Variants in PSMB7 observed in about 807,000 individuals in gnomAD.
The protein encoded by PSMB7 is proteasome subunit beta type-7.
Under a neutral mutation model 28.1 loss-of-function variants are expected in PSMB7, and 5 were observed. That is an observed-to-expected ratio of 0.18 (90% CI 0.09 to 0.37). The LOEUF is 0.37. Ranked by LOEUF, PSMB7 falls within the 10% of genes least tolerant of loss-of-function variation. The pLI, the probability that PSMB7 is intolerant of heterozygous loss-of-function variation, is 1.00. For missense variants in PSMB7, 275 were observed against 346.2 expected (o/e 0.79, Z 1.63); for synonymous variants, 122 against 123.7 (o/e 0.99, Z 0.09).
At chr9:124,412,607 T>A in intron 3 of PSMB7, 115 bp from the exon 4 acceptor site, 2 of 1,071,064 alleles carry the variant, frequency 1.9e-6, no homozygotes, top group Non-Finnish European at 2.7e-6. Context: ...TGTTTTTGAG[T>A]ATATCTATGC....
At chr9:124,404,736 C>T (rs1374908182) in intron 5 of PSMB7, among the ~76,000 whole-genome samples, 3 of 152,094 alleles carry the variant, frequency 2.0e-5, no homozygotes, top group African/African-American at 7.2e-5. Flanking sequence ...GCCTATCACT[C>T]CAGCTACTTG....
intron 5 of PSMB7, among the ~76,000 whole-genome samples, chr9:124,390,365 T>G (rs1048483013): frequency 6.6e-6 from 1 of 151,772 alleles, no homozygotes. Flanking sequence ...AAGAAACACA[T>G]GGACAAGTAC....
intron 4 of PSMB7, among the ~76,000 whole-genome samples, chr9:124,409,523 C>T (rs565940206): frequency 6.6e-6 from 1 of 152,290 alleles, no homozygotes; most frequent in East Asian, 1.9e-4. Context: ...AAAGACATCA[C>T]TTCTGCTTAT....
In PSMB7 at chr9:124,405,140, T is replaced by C. The variant is rs557117951; in HGVS notation, c.511+177A>G. 3.3e-5 allele frequency among the ~76,000 whole-genome samples: 5 copies of C among 152,306 alleles called. No homozygotes were observed. The East Asian group carries it at 9.7e-4, about 29-fold the overall frequency. On this transcript the variant is annotated intron_variant, in intron 5 of 7. Transcript: ENST00000259457. The stretch of plus-strand genomic sequence containing the variant: ...TCACTATCAGAATTGTGTTGACTGC[T>C]ATATAGCAAGCACCTAGAACACGGC...
intron 4 of PSMB7, among the ~76,000 whole-genome samples, chr9:124,405,883 G>A (rs1487410874): frequency 1.3e-5 from 2 of 151,606 alleles, no homozygotes; most frequent in African/African-American, 2.4e-5. Flanking sequence ...ATGGCGTCTC[G>A]CCAAATTGCC....
intron 5 of PSMB7, among the ~76,000 whole-genome samples, chr9:124,391,972 G>C (rs1253073497): frequency 6.6e-6 from 1 of 152,228 alleles, no homozygotes; most frequent in African/African-American, 2.4e-5. Flanking sequence ...TCAAAAGCTA[G>C]GAAGGACCTG....
At chr9:124,364,863 G>A (rs1157166142) in intron 6 of PSMB7, among the ~76,000 whole-genome samples, 1 of 152,182 alleles carries the variant, frequency 6.6e-6, no homozygotes, top group Non-Finnish European at 1.5e-5. Context: ...TCTGAGACCA[G>A]CAGAAGAGCC....
chr9:124,401,736 T>C (rs919591162), intron 5 of PSMB7, among the ~76,000 whole-genome samples: 1 of 152,170 alleles, frequency 6.6e-6, no homozygotes, highest in Non-Finnish European at 1.5e-5. Flanking sequence ...AAAGAGCTGA[T>C]GAGGCCGGGT....
At chr9:124,412,280 C>A in intron 4 of PSMB7, 72 bp downstream of exon 4, 1 of 1,455,402 alleles carries the variant, frequency 6.9e-7, no homozygotes, top group Non-Finnish European at 9.5e-7. Flanking sequence ...ACTTTCCAGG[C>A]TTCTCTTGGC....
At chr9:124,388,761 G>T (rs181271917) in intron 5 of PSMB7, among the ~76,000 whole-genome samples, 7 of 152,046 alleles carry the variant, frequency 4.6e-5, no homozygotes, top group African/African-American at 1.7e-4. Context: ...CTAAATGCCC[G>T]TGCCAGTTCA....
intron 6 of PSMB7, among the ~76,000 whole-genome samples, chr9:124,365,713 C>G (rs537239083): frequency 6.6e-6 from 1 of 152,230 alleles, no homozygotes; most frequent in African/African-American, 2.4e-5. Context: ...CTCAGAAGCT[C>G]GAGACCAGCC....
At chr9:124,398,810 T>C (rs1830868168) in intron 5 of PSMB7, among the ~76,000 whole-genome samples, 1 of 152,180 alleles carries the variant, frequency 6.6e-6, no homozygotes, top group Non-Finnish European at 1.5e-5. Flanking sequence ...AATCCCAGCT[T>C]TGTCACTTAT....
At position 124,384,608 on chromosome 9, in the gene PSMB7, G is replaced by C. The variant is rs1049397014; in HGVS notation, c.560C>G (p.Pro187Arg). The change falls in exon 6 of 8, where the codon CCA becomes CGA. Residue 187 changes from proline (P) to arginine (R), a missense_variant. Physicochemically the swap from Pro to Arg is moderately radical, Grantham distance 103. This residue lies in a region of PSMB7 where 213 missense variants were observed against 302.4 expected (regional missense o/e 0.70). Transcript: ENST00000259457. ...AMAVFEDKFRPDMEEEEAKNL... is the reference protein window; with the variant it reads ...AMAVFEDKFRRDMEEEEAKNL... ...CAGGGACTTACATACCTCCATGTCT[G>C]GCCTAAACTTATCTTCAAATACAGC... 1.2e-6 allele frequency: 2 copies of C among 1,613,350 alleles called. No individual in the cohort carries two copies. Among genetic ancestry groups the C allele is most frequent in the Non-Finnish European group, 1.7e-6 (2 of 1,179,638 alleles).
chr9:124,394,312 A>T (rs1048024525), intron 5 of PSMB7, among the ~76,000 whole-genome samples: 1 of 152,218 alleles, frequency 6.6e-6, no homozygotes, highest in Admixed American at 6.5e-5. Context: ...AGTCTGACCA[A>T]TGAGGAAGTA....
chr9:124,411,534 G>A (rs899797317), intron 4 of PSMB7, among the ~76,000 whole-genome samples: 3 of 152,242 alleles, frequency 2.0e-5, no homozygotes, highest in African/African-American at 7.2e-5. Flanking sequence ...AAAAGGAGAA[G>A]CCAGTATTCC....
intron 6 of PSMB7, among the ~76,000 whole-genome samples, chr9:124,360,338 A>C (rs1830453793): frequency 6.6e-6 from 1 of 152,220 alleles, no homozygotes; most frequent in Admixed American, 6.5e-5. Context: ...TTCGTAGGGA[A>C]ACTGCACCTC....
intron 6 of PSMB7, among the ~76,000 whole-genome samples, chr9:124,366,074 A>G (rs962161307): frequency 9.3e-5 from 14 of 151,154 alleles, no homozygotes; most frequent in Non-Finnish European, 1.6e-4. Context: ...TTTTTAACAA[A>G]ACATCTAAAA....
intron 2 of PSMB7, 50 bp from the exon 3 acceptor site, chr9:124,414,055 C>T (rs1426047961): frequency 8.3e-7 from 1 of 1,197,762 alleles, no homozygotes; most frequent in Admixed American, 1.8e-5. Flanking sequence ...AAGCCAACCG[C>T]AACTCTCTAT....
intron 5 of PSMB7, among the ~76,000 whole-genome samples, chr9:124,385,080 A>G (rs190186033): frequency 1.3e-5 from 2 of 152,344 alleles, no homozygotes; most frequent in Middle Eastern, 3.4e-3. Flanking sequence ...AGTTCCAAAG[A>G]AAAGATTGTT....
Sources: gnomAD v4.1 joint callset for allele counts (sites outside exome capture counted in the v4.1 genomes callset) on GRCh38, gnomAD v4.1.1 for gene constraint, gnomAD v4.1.1 regional missense constraint, MANE v1.5 for transcripts, NCBI Gene and HGNC (gene_info 2026-07-23, HGNC 2026-07-21) for gene names.